CDC42BPA: variants seen among roughly 807,000 people sequenced by gnomAD.
CDC42BPA encodes the protein serine/threonine-protein kinase MRCK alpha.
In CDC42BPA, 80 loss-of-function variants were observed where a neutral mutation model predicts 223.5. That is an observed-to-expected ratio of 0.36 (90% confidence interval 0.30 to 0.43). The LOEUF (loss-of-function observed/expected upper bound fraction) is 0.43. Ranked by LOEUF, CDC42BPA falls within the 20% of genes least tolerant of loss-of-function variation. CDC42BPA has a pLI of 1.00. For missense variants in CDC42BPA, 1,743 were observed against 2,099.9 expected, an observed-to-expected ratio of 0.83 and a Z score of 3.32; for synonymous variants, 694 against 718.6, an observed-to-expected ratio of 0.97 and a Z score of 0.55.
intron 2 of CDC42BPA, among the ~76,000 whole-genome samples, chr1:227,227,113 T>C (rs578262371): frequency 6.6e-6 from 1 of 152,136 alleles, no homozygotes; most frequent in African/African-American, 2.4e-5. Flanking sequence ...AGGAAACTAC[T>C]AGAAACAAGG....
At chr1:227,148,878 A>G (rs1344110303) in intron 6 of CDC42BPA, among the ~76,000 whole-genome samples, 1 of 151,990 alleles carries the variant, frequency 6.6e-6, no homozygotes, top group Non-Finnish European at 1.5e-5. Context: ...GAGGTCAGTA[A>G]TCAAGAAATG....
At chr1:227,142,529 T>C (rs1441767372) in intron 9 of CDC42BPA, among the ~76,000 whole-genome samples, 2 of 152,226 alleles carry the variant, frequency 1.3e-5, no homozygotes, top group African/African-American at 2.4e-5. Context: ...GCTCACTCTA[T>C]TTTTTAAAAA....
intron 1 of CDC42BPA, 88 bp downstream of exon 1, chr1:227,316,917 G>T: frequency 1.1e-6 from 1 of 932,708 alleles, no homozygotes. Context: ...TCTTTGAACG[G>T]AGTAGAGTTT....
chr1:227,084,833 G>A (rs1331752315), intron 16 of CDC42BPA, among the ~76,000 whole-genome samples: 7 of 151,566 alleles, frequency 4.6e-5, no homozygotes, highest in Admixed American at 4.6e-4. Context: ...GTAGGTCTGT[G>A]AGGGTGTCTC....
intron 34 of CDC42BPA, among the ~76,000 whole-genome samples, chr1:227,006,117 T>C (rs904887798): frequency 5.3e-5 from 8 of 151,716 alleles, no homozygotes; most frequent in African/African-American, 1.7e-4. Context: ...AAGGCTTTTC[T>C]CCATTTCTTC....
chr1:227,061,044 G>A (rs1466699405), intron 21 of CDC42BPA, among the ~76,000 whole-genome samples: 1 of 152,044 alleles, frequency 6.6e-6, no homozygotes, highest in Non-Finnish European at 1.5e-5. Flanking sequence ...CTTTCCATAG[G>A]AAATGGAATG....
At chr1:227,118,450 T>C (rs1225082617) in intron 12 of CDC42BPA, among the ~76,000 whole-genome samples, 1 of 152,188 alleles carries the variant, frequency 6.6e-6, no homozygotes, top group Non-Finnish European at 1.5e-5. Context: ...CTACTGCCTA[T>C]AGGATATTAA....
chr1:227,293,812 A>C (rs1230320583), intron 1 of CDC42BPA, among the ~76,000 whole-genome samples: 2 of 152,150 alleles, frequency 1.3e-5, no homozygotes, highest in Non-Finnish European at 2.9e-5. Flanking sequence ...ACTCCGCCTT[A>C]GAAAAACAAA....
At chr1:227,310,396 ACAGTT>A (rs1432958131) in intron 1 of CDC42BPA, among the ~76,000 whole-genome samples, 1 of 152,186 alleles carries the variant, frequency 6.6e-6, no homozygotes, top group Non-Finnish European at 1.5e-5. Flanking sequence ...AGAGAAGCAA[ACAGTT>A]CCATGAGGAA....
In CDC42BPA at chr1:227,124,398, AT is replaced by A. The variant is rs1044924656; in HGVS notation, c.1514-4462del. On this transcript the variant is annotated intron_variant, in intron 11 of 36. Transcript: ENST00000366766. ...GAAGGTATTTTTTCTTTGGAGGTAT[AT>A]TTTTTTTCTTCAGAGGTATATATTA... 2.7e-3 allele frequency among the ~76,000 whole-genome samples: 406 copies of A among 151,512 alleles called. 3 individuals are homozygous for A. Among genetic ancestry groups the A allele is most frequent in the African/African-American group, 9.5e-3 (392 of 41,302 alleles).
chr1:227,227,237 T>A (rs1352051181), intron 2 of CDC42BPA, among the ~76,000 whole-genome samples: 1 of 151,964 alleles, frequency 6.6e-6, no homozygotes, highest in Admixed American at 6.6e-5. Context: ...TAGTAGAAAA[T>A]ATCCCGTCAA....
intron 1 of CDC42BPA, among the ~76,000 whole-genome samples, chr1:227,307,505 T>C (rs956990611): frequency 3.3e-5 from 5 of 150,052 alleles, no homozygotes; most frequent in South Asian, 2.2e-4. Flanking sequence ...AGGCAAATTC[T>C]AGGTAAAACA....
chr1:227,030,796 CT>C lies in CDC42BPA; in HGVS notation c.3776-327del, dbSNP rs1248725888. ...TGGCATTTGAACCATACTCATTGAA[CT>C]TTTCAGTATTTATGGAAAGTAACAA... is the stretch of plus-strand genomic sequence containing the variant. On this transcript the variant is annotated intron_variant, in intron 28 of 36. Transcript: ENST00000366766. Among the ~76,000 whole-genome samples, 3 of 152,192 alleles carry C rather than the reference CT, an allele frequency of 2.0e-5. No homozygotes were observed. In the East Asian group the frequency reaches 5.8e-4, roughly 29 times the overall value.
chr1:227,228,517 AT>A (rs2147945786), intron 2 of CDC42BPA, among the ~76,000 whole-genome samples: 1 of 152,238 alleles, frequency 6.6e-6, no homozygotes, highest in Non-Finnish European at 1.5e-5. Flanking sequence ...GTGTACCTAC[AT>A]TTTCAATTCT....
Position 226,992,689 on chromosome 1 carries a change from T to C in CDC42BPA, c.*1579A>G, listed in dbSNP as rs939179101. On this transcript the variant is annotated 3_prime_UTR_variant, in exon 37 of 37. Coordinates refer to ENST00000366766, the MANE Select transcript of CDC42BPA (RefSeq NM_001394014.1). ...TCCTGTCTCTATTTCTCAGAGAAAC[T>C]TAGGTGAAAAGTAAAAGAGAGGCAA... 1 of 152,226 alleles carries C rather than the reference T, an allele frequency of 6.6e-6. No homozygotes were observed. The highest frequency in any genetic ancestry group is 2.4e-5 in the African/African-American group (1 of 41,452). 9.4% of individuals were successfully genotyped at this position (152,226 alleles called of 1,614,324 possible).
chr1:227,026,849 G>A (rs1384144060), intron 30 of CDC42BPA, among the ~76,000 whole-genome samples: 2 of 152,156 alleles, frequency 1.3e-5, no homozygotes, highest in Non-Finnish European at 2.9e-5. Flanking sequence ...AGGTCTCACT[G>A]TATTGCCTAG....
At chr1:227,057,059 A>C (rs1674728071) in intron 21 of CDC42BPA, among the ~76,000 whole-genome samples, 1 of 152,184 alleles carries the variant, frequency 6.6e-6, no homozygotes, top group African/African-American at 2.4e-5. Flanking sequence ...CACATATTCT[A>C]AGAAAACATA....
rs1439671004 is a variant in CDC42BPA at position 227,009,665 on chromosome 1, C to T, written c.4858-4554G>A. Reference sequence around the variant, plus strand: ...TCCTAGGCTCAAGTGGTCCTCCTGCCTCAGCCTCCCAAAGTGCTGGGATTA... The same window carrying T: ...TCCTAGGCTCAAGTGGTCCTCCTGCTTCAGCCTCCCAAAGTGCTGGGATTA... On this transcript the variant is annotated intron_variant, in intron 34 of 36. Transcript: ENST00000366766. Among the ~76,000 whole-genome samples the T allele has an allele frequency of 2.6e-5, 4 of 152,216 alleles. No homozygotes were observed. The East Asian group carries it at 7.7e-4, about 29-fold the overall frequency.
chr1:226,994,255 G>T lies in CDC42BPA; in HGVS notation c.*13C>A. The T allele has an allele frequency of 6.4e-7, 1 of 1,567,376 alleles. No individual in the cohort carries two copies. Among genetic ancestry groups the T allele is most frequent in the South Asian group, 1.2e-5 (1 of 85,860 alleles). Reference sequence around the variant, plus strand: ...AGGGAGCGGAGAGCGAGAGGTCCCAGTGCTGAGGCAGCTCACGGGTCCCAG... The same window carrying T: ...AGGGAGCGGAGAGCGAGAGGTCCCATTGCTGAGGCAGCTCACGGGTCCCAG... On this transcript the variant is annotated 3_prime_UTR_variant, in exon 37 of 37. Transcript: ENST00000366766. This position sits in a 1 kb window ranked among gnomAD's most constrained non-coding sequence, Gnocchi z 4.0.
Sources: gnomAD v4.1 joint callset for allele counts (sites outside exome capture counted in the v4.1 genomes callset) on GRCh38, gnomAD v4.1.1 for gene constraint, Gnocchi (gnomAD v3.1) non-coding constraint, MANE v1.5 for transcripts, NCBI Gene and HGNC (gene_info 2026-07-23, HGNC 2026-07-21) for gene names.